Variants in FAR2 observed in about 807,000 individuals in gnomAD.
The protein encoded by FAR2 is epididymis secretory protein Li 81.
A neutral mutation model predicts 56.0 loss-of-function variants in FAR2; 19 were observed. The ratio of observed to expected loss-of-function variants is 0.34; its 90% CI spans 0.24 to 0.50. The LOEUF is 0.50. Among genes scored for constraint, FAR2 ranks in the 20% least tolerant of loss-of-function variants. FAR2 has a pLI of 0.98. For synonymous variants in FAR2, 219 were observed against 218.8 expected (o/e 1.00, Z -0.01); for missense variants, 508 against 642.2 (o/e 0.79, Z 2.26).
chr12:29,223,509 T>C (rs1475575977), intron 1 of FAR2, among the ~76,000 whole-genome samples: 1 of 152,230 alleles, frequency 6.6e-6, no homozygotes, highest in Non-Finnish European at 1.5e-5. Context: ...ACAAAAGGAC[T>C]GGATACTCCA....
At chr12:29,288,974 T>G (rs574165961) in intron 2 of FAR2, among the ~76,000 whole-genome samples, 3 of 152,250 alleles carry the variant, frequency 2.0e-5, no homozygotes, top group Admixed American at 2.0e-4. Context: ...AGGAATTAAC[T>G]TGACCAGAGA....
At chr12:29,235,313 C>T (rs945609695) in intron 1 of FAR2, among the ~76,000 whole-genome samples, 1 of 152,126 alleles carries the variant, frequency 6.6e-6, no homozygotes, top group Admixed American at 6.5e-5. Flanking sequence ...ACATTCCAAA[C>T]AATAGCTGGG....
At chr12:29,188,356 T>C (rs1950064363) in intron 1 of FAR2, among the ~76,000 whole-genome samples, 1 of 152,210 alleles carries the variant, frequency 6.6e-6, no homozygotes, top group South Asian at 2.1e-4. Flanking sequence ...TATGTTCATT[T>C]GCTGTAGAGT....
At chr12:29,285,633 C>A (rs1948862031) in intron 2 of FAR2, among the ~76,000 whole-genome samples, 1 of 152,042 alleles carries the variant, frequency 6.6e-6, no homozygotes, top group Non-Finnish European at 1.5e-5. Context: ...TTAAAAGCTT[C>A]AAATTGGCCG....
intron 1 of FAR2, among the ~76,000 whole-genome samples, chr12:29,194,521 CCACACACACACA>C (rs3222956): frequency 5.0e-5 from 7 of 140,792 alleles, no homozygotes; most frequent in African/African-American, 1.3e-4. Flanking sequence ...GCTAGTGATG[CCACACACACACA>C]CACACACACA....
intron 3 of FAR2, 122 bp downstream of exon 3, chr12:29,293,597 C>T: frequency 3.6e-6 from 3 of 842,904 alleles, no homozygotes; most frequent in Non-Finnish European, 3.3e-6. Context: ...AAGCAAAACT[C>T]CTCCAAAATC....
chr12:29,305,164 G>A (rs1394064931), intron 4 of FAR2, among the ~76,000 whole-genome samples: 2 of 151,538 alleles, frequency 1.3e-5, no homozygotes, highest in Non-Finnish European at 2.9e-5. Context: ...TTGAGACAGG[G>A]TCTCTGTCAC....
chr12:29,208,741 G>A (rs1947506261), intron 1 of FAR2, among the ~76,000 whole-genome samples: 1 of 152,158 alleles, frequency 6.6e-6, no homozygotes, highest in Admixed American at 6.5e-5. Flanking sequence ...GAATGCTAAA[G>A]TGAGAGATGT....
At position 29,333,829 on chromosome 12, in the gene FAR2, T is replaced by A. The variant is rs1367715299; in HGVS notation, c.*35T>A. On this transcript the variant is annotated 3_prime_UTR_variant, in exon 12 of 12. Coordinates refer to ENST00000536681, the MANE Select transcript of FAR2 (RefSeq NM_001271783.2). Reference sequence around the variant, plus strand: ...GCCATCGCTTTTTATCTGGAACCTCTCAGATACCTCTAAAACAGCAAACTG... The same window carrying A: ...GCCATCGCTTTTTATCTGGAACCTCACAGATACCTCTAAAACAGCAAACTG... The A allele has an allele frequency of 2.5e-6, 4 of 1,589,022 alleles. No homozygotes were observed. The South Asian group carries it at 3.4e-5, about 13-fold the overall frequency.
chr12:29,180,566 ACACATATTT>A (rs1384195249), intron 1 of FAR2, among the ~76,000 whole-genome samples: 1 of 152,172 alleles, frequency 6.6e-6, no homozygotes, highest in Non-Finnish European at 1.5e-5. Context: ...TCCCTTCCAG[ACACATATTT>A]ACATTTTAAC....
chr12:29,321,863 G>A lies in FAR2; in HGVS notation c.1196G>A (p.Trp399Ter). 6.2e-7 allele frequency: 1 copy of A among 1,613,860 alleles called. No homozygotes were observed. The highest frequency in any genetic ancestry group is 1.1e-5 in the South Asian group (1 of 91,060). ...TTGGAGTATTTCATCAACCGGAGTT[G>A]GGAATGGAGCACGTACAATACAGAA... is the stretch of plus-strand genomic sequence containing the variant. Reference protein sequence around the residue: ...SMLEYFINRSWEWSTYNTEML... With the variant: ...SMLEYFINRS Residue 399 changes from tryptophan to a stop codon, truncating the protein, a stop_gained, in exon 10 of 12, where the codon TGG (tryptophan) becomes TAG (stop). Coordinates refer to ENST00000536681, the MANE Select transcript of FAR2 (RefSeq NM_001271783.2). LOFTEE classifies it high-confidence loss of function.
intron 1 of FAR2, among the ~76,000 whole-genome samples, chr12:29,261,031 T>C (rs530357730): frequency 4.6e-5 from 7 of 152,302 alleles, no homozygotes; most frequent in East Asian, 1.9e-4. Context: ...CCAAGAAGGA[T>C]TGATGCAAAT....
chr12:29,305,585 TATG>T (rs1949242116), intron 4 of FAR2, among the ~76,000 whole-genome samples: 1 of 152,248 alleles, frequency 6.6e-6, no homozygotes, highest in Non-Finnish European at 1.5e-5. Flanking sequence ...TGTTTACCCT[TATG>T]ATAATTTAGA....
At chr12:29,185,930 T>G (rs191067623) in intron 1 of FAR2, among the ~76,000 whole-genome samples, 1 of 152,324 alleles carries the variant, frequency 6.6e-6, no homozygotes, top group Admixed American at 6.5e-5. Flanking sequence ...TGTTCACATA[T>G]GATACGAGAT....
At chr12:29,332,801 T>G in intron 11 of FAR2, 74 bp downstream of exon 11, 2 of 1,381,782 alleles carry the variant, frequency 1.4e-6, no homozygotes, top group Non-Finnish European at 2.0e-6. Context: ...ATAACATTTG[T>G]GCAGAGGAGA....
intron 1 of FAR2, among the ~76,000 whole-genome samples, chr12:29,241,976 G>A (rs1224048059): frequency 6.6e-6 from 1 of 152,234 alleles, no homozygotes; most frequent in African/African-American, 2.4e-5. Flanking sequence ...TGTGACAGCT[G>A]AGGATGGCAA....
Position 29,322,409 on chromosome 12 carries a change from T to C in FAR2, c.1257+485T>C, listed in dbSNP as rs955057164. Among the ~76,000 whole-genome samples, 6 of 152,354 alleles carry C rather than the reference T, an allele frequency of 3.9e-5. 1 individual carries two copies. The South Asian group carries it at 8.3e-4, about 21-fold the overall frequency. On this transcript the variant is annotated intron_variant, in intron 10 of 11. Coordinates refer to ENST00000536681, the MANE Select transcript of FAR2 (RefSeq NM_001271783.2). ...TTGTTAAAGCTAATCCCTACACCTA[T>C]GCACTCTGCCTCACCTCAGACCTCC...
intron 1 of FAR2, among the ~76,000 whole-genome samples, chr12:29,210,905 C>G (rs1014796893): frequency 6.6e-6 from 1 of 151,764 alleles, no homozygotes; most frequent in Non-Finnish European, 1.5e-5. Context: ...AAGATTGTGC[C>G]ACTGTACTGG....
rs536909034 is a variant in FAR2, at chr12:29,186,819, C to T, written c.-39+37412C>T. Among the ~76,000 whole-genome samples the T allele has an allele frequency of 8.1e-4, 123 of 151,798 alleles. 1 individual carries two copies. Among genetic ancestry groups the T allele is most frequent in the African/African-American group, 2.8e-3 (116 of 41,378 alleles). On this transcript the variant is annotated intron_variant, in intron 1 of 11. Transcript: ENST00000536681. The stretch of plus-strand genomic sequence containing the variant: ...ATTTATTTATTTTGAGACGGAGTCT[C>T]GCTCTGTCGCCCAGGCTGGAGTGCA...
Sources: allele counts gnomAD v4.1 joint callset (sites outside exome capture counted in the v4.1 genomes callset), GRCh38; gene constraint gnomAD v4.1.1; transcripts MANE v1.5; gene names NCBI Gene and HGNC (gene_info 2026-07-23, HGNC 2026-07-21).